The following WDR4 variants were observed in gnomAD, a reference collection of about 807,000 sequenced individuals.
The protein encoded by WDR4 is WDR4 tRNA N7-guanosine methyltransferase non-catalytic subunit.
In WDR4, 47 loss-of-function variants were observed where a neutral mutation model predicts 48.6. The ratio of observed to expected loss-of-function variants is 0.97; its 90% CI spans 0.77 to 1.23. The LOEUF (loss-of-function observed/expected upper bound fraction) is 1.23. Ranked by LOEUF, WDR4 falls within the 50% of genes most tolerant of loss-of-function variation. The pLI is 0.00. For synonymous variants in WDR4, 268 were observed against 230.0 expected (o/e 1.17, Z -1.49); for missense variants, 606 against 551.6 (o/e 1.10, Z -0.99).
intron 3 of WDR4, among the ~76,000 whole-genome samples, chr21:42,868,285 T>C (rs1234747942): frequency 6.6e-6 from 1 of 152,080 alleles, no homozygotes; most frequent in African/African-American, 2.4e-5. Flanking sequence ...GGACATCCCC[T>C]CTCTCCCAAG....
At chr21:42,845,024 G>A (rs1393552306), downstream of WDR4, among the ~76,000 whole-genome samples, 2 of 152,236 alleles carry the variant, frequency 1.3e-5, no homozygotes, top group Non-Finnish European at 2.9e-5. Flanking sequence ...CCCAGCCCAG[G>A]GTCACACGGC....
At chr21:42,877,977 G>C (rs140666500) in intron 1 of WDR4, among the ~76,000 whole-genome samples, 6 of 150,666 alleles carry the variant, frequency 4.0e-5, no homozygotes, top group Non-Finnish European at 1.5e-5. Context: ...CCCGGGAGGC[G>C]GAGCTTGCAG....
intron 3 of WDR4, among the ~76,000 whole-genome samples, chr21:42,863,918 A>G (rs1470962091): frequency 1.2e-5 from 1 of 82,916 alleles, no homozygotes; most frequent in Non-Finnish European, 2.3e-5. Context: ...CATTCTGGCT[A>G]ACACGGTGAA....
In WDR4 at chr21:42,879,523, A is replaced by T. The variant is rs777748370; in HGVS notation, c.-28T>A. 4 of 1,611,094 alleles carry T rather than the reference A, an allele frequency of 2.5e-6. No homozygotes were observed. Among genetic ancestry groups the T allele is most frequent in the Admixed American group, 3.3e-5 (2 of 59,920 alleles). ...ACCCGCCCGCCTCACCGCCATACACATGTGCCAGCCCAGAGCCTCTTCCTG... is the reference window on the plus strand; with the variant it reads ...ACCCGCCCGCCTCACCGCCATACACTTGTGCCAGCCCAGAGCCTCTTCCTG... On this transcript the variant is annotated 5_prime_UTR_variant, in exon 1 of 11. It removes an upstream start codon present in the reference 5' UTR. Coordinates refer to ENST00000398208, the MANE Select transcript of WDR4 (RefSeq NM_018669.6).
chr21:42,864,681 C>T (rs528614096), intron 3 of WDR4, among the ~76,000 whole-genome samples: 1 of 152,354 alleles, frequency 6.6e-6, no homozygotes, highest in South Asian at 2.1e-4. Flanking sequence ...CACACTGCTT[C>T]AGCAAGAACC....
intron 7 of WDR4, among the ~76,000 whole-genome samples, chr21:42,855,384 C>A (rs1471559243): frequency 1.3e-5 from 2 of 152,252 alleles, no homozygotes; most frequent in East Asian, 1.9e-4. Flanking sequence ...ACCCCTGCCC[C>A]ACCTGGCTGG....
intron 7 of WDR4, among the ~76,000 whole-genome samples, chr21:42,855,205 C>T (rs543093151): frequency 6.6e-6 from 1 of 152,230 alleles, no homozygotes; most frequent in South Asian, 2.1e-4. Flanking sequence ...AAGGAAAAGG[C>T]CTGGTCCTCT....
intron 3 of WDR4, among the ~76,000 whole-genome samples, chr21:42,864,316 G>A (rs1402087576): frequency 6.6e-6 from 1 of 151,740 alleles, no homozygotes; most frequent in African/African-American, 2.4e-5. Context: ...TGAGTGTGCT[G>A]GGGGCCACTG....
At chr21:42,851,004 T>G (rs1287731708) in intron 10 of WDR4, among the ~76,000 whole-genome samples, 4 of 152,260 alleles carry the variant, frequency 2.6e-5, no homozygotes, top group African/African-American at 7.2e-5. Flanking sequence ...GCGACTCTGC[T>G]GCTTGTGGGA....
intron 3 of WDR4, among the ~76,000 whole-genome samples, chr21:42,868,271 G>A (rs937634622): frequency 2.4e-4 from 36 of 152,222 alleles, no homozygotes; most frequent in African/African-American, 8.7e-4. Context: ...CGGGCAGGCA[G>A]ACTGGACATC....
chr21:42,846,074 A>T (rs2057709329), downstream of WDR4, among the ~76,000 whole-genome samples: 1 of 152,088 alleles, frequency 6.6e-6, no homozygotes. Context: ...CCAGCGAGCC[A>T]AGGTCACACC....
At chr21:42,878,924 C>A (rs1430854062) in intron 1 of WDR4, 16 of 982,820 alleles carry the variant, frequency 1.6e-5, no homozygotes, top group South Asian at 9.3e-5. Context: ...GAACAGACAA[C>A]CCTGCAAAAA....
intron 1 of WDR4, among the ~76,000 whole-genome samples, chr21:42,878,338 G>GT (rs1271238394): frequency 6.6e-6 from 1 of 152,138 alleles, no homozygotes; most frequent in Non-Finnish European, 1.5e-5. Flanking sequence ...TGTCTTCCAA[G>GT]TCAGAAACTC....
In WDR4 at chr21:42,873,582, G is replaced by C. The variant is rs372260209; in HGVS notation, c.265C>G (p.Arg89Gly). 6.2e-7 allele frequency: 1 copy of C among 1,614,152 alleles called. No individual in the cohort carries two copies. Among genetic ancestry groups the C allele is most frequent in the Non-Finnish European group, 8.5e-7 (1 of 1,180,008 alleles). Reference sequence around the variant, plus strand: ...CTCAGACATTGCCATGGTTTTGTACGGAAAAGAATCAGACGCTTACTGTCA... The same window carrying C: ...CTCAGACATTGCCATGGTTTTGTACCGAAAAGAATCAGACGCTTACTGTCA... ...TDDSKRLILFRTKPWQCLSVR... is the reference protein window; with the variant it reads ...TDDSKRLILFGTKPWQCLSVR... The change falls in exon 3 of 11, where the codon CGT becomes GGT. Residue 89 changes from arginine to glycine, a missense_variant. By Grantham distance (125) the Arg-to-Gly change is moderately radical (BLOSUM62 -2). Coordinates refer to ENST00000398208, the MANE Select transcript of WDR4 (RefSeq NM_018669.6).
the WDR4 span, among the ~76,000 whole-genome samples, chr21:42,889,226 G>A: frequency 6.6e-6 from 1 of 151,936 alleles, no homozygotes. Flanking sequence ...CAGAAGATCC[G>A]CCAACCTCGG....
chr21:42,855,864 C>T (rs1281372992), intron 6 of WDR4, 84 bp from the exon 7 acceptor site: 4 of 1,141,670 alleles, frequency 3.5e-6, no homozygotes, highest in Non-Finnish European at 3.6e-6. Flanking sequence ...TGCGTGTGGT[C>T]GGGGTTCCAC....
the WDR4 span, among the ~76,000 whole-genome samples, chr21:42,889,855 C>T: frequency 2.8e-4 from 42 of 152,258 alleles, no homozygotes; most frequent in South Asian, 4.6e-3. Context: ...TCACAGCTCC[C>T]GGCCAGTTTT....
chr21:42,887,016 G>A, the WDR4 span: 1 of 152,404 alleles, frequency 6.6e-6, no homozygotes, highest in South Asian at 2.1e-4. Flanking sequence ...TTTTTAGACG[G>A]AGTTTCACTC....
chr21:42,863,302 A>T, intron 4 of WDR4, 138 bp downstream of exon 4: 2 of 1,051,476 alleles, frequency 1.9e-6, no homozygotes, highest in Non-Finnish European at 2.7e-6. Flanking sequence ...TCCCCCACGT[A>T]CTGCGTCTAA....
Sources: gnomAD v4.1 joint callset for allele counts (sites outside exome capture counted in the v4.1 genomes callset) on GRCh38, gnomAD v4.1.1 for gene constraint, MANE v1.5 for transcripts, NCBI Gene and HGNC (gene_info 2026-07-23, HGNC 2026-07-21) for gene names.